Variants in GALNT17 observed in about 807,000 individuals in gnomAD.
GALNT17 encodes the protein polypeptide N-acetylgalactosaminyltransferase 17.
A neutral mutation model predicts 63.7 loss-of-function variants in GALNT17; 29 were observed. The observed-to-expected ratio is 0.46, with a 90% CI of 0.34 to 0.62. The LOEUF is 0.62. Ranked by LOEUF, GALNT17 falls within the 20% of genes least tolerant of loss-of-function variation. GALNT17 has a pLI of 0.01. For synonymous variants in GALNT17, 305 were observed against 318.3 expected, an observed-to-expected ratio of 0.96 and a Z score of 0.45; for missense variants, 603 against 799.6, an observed-to-expected ratio of 0.75 and a Z score of 2.97.
chr7:71,455,922 C>T (rs1463689793), intron 5 of GALNT17, among the ~76,000 whole-genome samples: 1 of 152,180 alleles, frequency 6.6e-6, no homozygotes, highest in African/African-American at 2.4e-5. Context: ...GCTCAGGATA[C>T]ATCACCTACC....
intron 1 of GALNT17, among the ~76,000 whole-genome samples, chr7:71,151,707 A>G (rs1788138825): frequency 6.6e-6 from 1 of 152,066 alleles, no homozygotes; most frequent in Non-Finnish European, 1.5e-5. Flanking sequence ...TGGAATGATT[A>G]TAATCATCCC....
chr7:71,367,700 T>G (rs952508834), intron 2 of GALNT17, among the ~76,000 whole-genome samples: 1 of 152,136 alleles, frequency 6.6e-6, no homozygotes, highest in Non-Finnish European at 1.5e-5. Flanking sequence ...ATTTCAGGGG[T>G]CAAATGCCCC....
intron 5 of GALNT17, among the ~76,000 whole-genome samples, chr7:71,458,466 A>G (rs1224321931): frequency 6.6e-6 from 1 of 152,144 alleles, no homozygotes. Context: ...GGCATGTTGC[A>G]TTTATACGTT....
chr7:71,172,679 A>G (rs1223982523), intron 1 of GALNT17, among the ~76,000 whole-genome samples: 2 of 152,146 alleles, frequency 1.3e-5, no homozygotes, highest in Non-Finnish European at 2.9e-5. Context: ...TTTATCACCA[A>G]CAGTGCCTTG....
intron 1 of GALNT17, among the ~76,000 whole-genome samples, chr7:71,168,497 C>G (rs937170955): frequency 6.6e-6 from 1 of 151,762 alleles, no homozygotes; most frequent in Non-Finnish European, 1.5e-5. Context: ...TTTTGAACCC[C>G]GGAGGCGGAT....
chr7:71,321,547 C>T (rs1197031610), intron 1 of GALNT17, among the ~76,000 whole-genome samples: 2 of 152,320 alleles, frequency 1.3e-5, no homozygotes, highest in East Asian at 3.9e-4. Flanking sequence ...AGACCCTGTT[C>T]TAGATCTAAC....
chr7:71,433,697 C>T (rs1786909276), intron 5 of GALNT17, among the ~76,000 whole-genome samples: 2 of 152,124 alleles, frequency 1.3e-5, no homozygotes, highest in South Asian at 2.1e-4. Context: ...GTGATCCAAT[C>T]GGGGTCAAAT....
chr7:71,289,970 G>A (rs541579344), intron 1 of GALNT17, among the ~76,000 whole-genome samples: 167 of 151,942 alleles, frequency 1.1e-3, no homozygotes, highest in African/African-American at 3.4e-3. Flanking sequence ...GCTTGAACCC[G>A]TGAGGCGGAG....
At chr7:71,324,975 A>G (rs1051992073) in intron 1 of GALNT17, among the ~76,000 whole-genome samples, 2 of 152,084 alleles carry the variant, frequency 1.3e-5, no homozygotes, top group African/African-American at 4.8e-5. Flanking sequence ...CTTGTGTTCC[A>G]TTGATCTTGC....
chr7:71,367,375 CAT>C (rs1173556611), intron 2 of GALNT17, among the ~76,000 whole-genome samples: 1 of 148,196 alleles, frequency 6.7e-6, no homozygotes, highest in African/African-American at 2.4e-5. Flanking sequence ...TTTACCTTGA[CAT>C]GTGTGCAGGG....
intron 1 of GALNT17, among the ~76,000 whole-genome samples, chr7:71,250,646 G>T (rs888292291): frequency 9.9e-5 from 15 of 152,098 alleles, no homozygotes; most frequent in Non-Finnish European, 1.8e-4. Flanking sequence ...AGGTTTTCAC[G>T]TAAGAACTCA....
At chr7:71,149,968 C>T (rs1461042343) in intron 1 of GALNT17, among the ~76,000 whole-genome samples, 3 of 152,102 alleles carry the variant, frequency 2.0e-5, no homozygotes, top group Non-Finnish European at 4.4e-5. Context: ...AGGTCCCAGG[C>T]CCTGAAAGTG....
chr7:71,254,347 G>A (rs780126325), intron 1 of GALNT17, among the ~76,000 whole-genome samples: 2 of 152,112 alleles, frequency 1.3e-5, no homozygotes, highest in Non-Finnish European at 2.9e-5. Context: ...TTCTCTCCTG[G>A]ATCAGGAAAA....
At chr7:71,200,474 A>G (rs148961279) in intron 1 of GALNT17, among the ~76,000 whole-genome samples, 29 of 152,226 alleles carry the variant, frequency 1.9e-4, no homozygotes, top group African/African-American at 5.3e-4. Flanking sequence ...AATGGTTTTA[A>G]TGGTTCCTAG....
intron 5 of GALNT17, among the ~76,000 whole-genome samples, chr7:71,488,149 C>G (rs1004567500): frequency 7.3e-6 from 1 of 137,808 alleles, no homozygotes; most frequent in Non-Finnish European, 1.5e-5. Flanking sequence ...GCCTGGGCAA[C>G]AGAGCAAGAC....
chr7:71,307,492 G>A (rs185207464), intron 1 of GALNT17, among the ~76,000 whole-genome samples: 3 of 151,946 alleles, frequency 2.0e-5, no homozygotes, highest in Admixed American at 6.5e-5. Flanking sequence ...GAGGAGACGG[G>A]CATCTAAACG....
chr7:71,341,781 T>C (rs1290366020), intron 2 of GALNT17, among the ~76,000 whole-genome samples: 2 of 152,206 alleles, frequency 1.3e-5, no homozygotes, highest in Non-Finnish European at 2.9e-5. Flanking sequence ...TTGAGGAAGC[T>C]ACTCAAGCAC....
intron 1 of GALNT17, among the ~76,000 whole-genome samples, chr7:71,159,105 C>A (rs1562873167): frequency 6.6e-6 from 1 of 151,768 alleles, no homozygotes; most frequent in African/African-American, 2.4e-5. Flanking sequence ...GTAGCTGACT[C>A]CCATAAACCC....
chr7:71,136,934 A>C (rs1787794725), intron 1 of GALNT17, among the ~76,000 whole-genome samples: 1 of 151,640 alleles, frequency 6.6e-6, no homozygotes, highest in South Asian at 2.1e-4. Flanking sequence ...CTACAAGTAC[A>C]TGCTACCATG....
Sources: allele counts gnomAD v4.1 joint callset (sites outside exome capture counted in the v4.1 genomes callset), GRCh38; gene constraint gnomAD v4.1.1; transcripts MANE v1.5; gene names NCBI Gene and HGNC (gene_info 2026-07-23, HGNC 2026-07-21).